SIL1: variants seen among roughly 807,000 people sequenced by gnomAD.
SIL1 encodes SIL1 nucleotide exchange factor, also known as nucleotide exchange factor SIL1.
Under a neutral mutation model 49.1 loss-of-function variants are expected in SIL1, and 40 were observed. The observed-to-expected ratio is 0.81, with a 90% CI of 0.63 to 1.06. The LOEUF (loss-of-function observed/expected upper bound fraction) is 1.06. SIL1 is among the 50% of genes least tolerant of loss of function. The pLI is 0.00. For missense variants in SIL1, 500 were observed against 572.6 expected (o/e 0.87, Z 1.29); for synonymous variants, 253 against 250.8 (o/e 1.01, Z -0.08).
At chr5:138,980,801 AC>A (rs1176082920) in intron 7 of SIL1, among the ~76,000 whole-genome samples, 3 of 151,846 alleles carry the variant, frequency 2.0e-5, no homozygotes. Flanking sequence ...ACTGTGCTTG[AC>A]CCCCTCCCCA....
chr5:139,068,172 T>C (rs562232095), intron 3 of SIL1, among the ~76,000 whole-genome samples: 1 of 152,286 alleles, frequency 6.6e-6, no homozygotes, highest in Non-Finnish European at 1.5e-5. Context: ...AAAAACAGAC[T>C]GACTAGAGAG....
chr5:138,998,151 C>A (rs1292285773), intron 7 of SIL1, among the ~76,000 whole-genome samples: 4 of 152,036 alleles, frequency 2.6e-5, no homozygotes, highest in Admixed American at 2.6e-4. Flanking sequence ...TATAAAGAAA[C>A]ATCTGAGACT....
At chr5:139,173,391 A>T (rs1041515460) in intron 1 of SIL1, among the ~76,000 whole-genome samples, 3 of 151,646 alleles carry the variant, frequency 2.0e-5, no homozygotes, top group African/African-American at 7.3e-5. Flanking sequence ...CTCTACTAAA[A>T]ATACAAAAAT....
At chr5:138,999,388 C>G (rs1415460527) in intron 7 of SIL1, among the ~76,000 whole-genome samples, 1 of 152,138 alleles carries the variant, frequency 6.6e-6, no homozygotes, top group Non-Finnish European at 1.5e-5. Context: ...AAACGATGGC[C>G]AAGCCTGTAA....
intron 3 of SIL1, among the ~76,000 whole-genome samples, chr5:139,092,720 C>A (rs1161471869): frequency 6.6e-6 from 1 of 152,164 alleles, no homozygotes; most frequent in Non-Finnish European, 1.5e-5. Flanking sequence ...AAGGGAAATA[C>A]CTTTTATCTT....
chr5:139,064,721 T>C (rs913032581), intron 3 of SIL1, among the ~76,000 whole-genome samples: 2 of 152,242 alleles, frequency 1.3e-5, no homozygotes, highest in African/African-American at 4.8e-5. Flanking sequence ...TCGGATGACC[T>C]AGGCAATTGT....
chr5:139,114,408 T>A (rs1418166298), intron 3 of SIL1, among the ~76,000 whole-genome samples: 1 of 152,290 alleles, frequency 6.6e-6, no homozygotes, highest in East Asian at 1.9e-4. Context: ...CTTCCTGTAT[T>A]CCAGCCCACC....
intron 7 of SIL1, chr5:139,016,855 T>A (rs984999382): frequency 4.6e-5 from 7 of 152,134 alleles, no homozygotes; most frequent in African/African-American, 1.7e-4. Context: ...TACTCTTTTT[T>A]TTTTCCCCCC....
In SIL1 at chr5:138,980,352, T is replaced by C. The variant is rs565478219; in HGVS notation, c.768-28468A>G. Reference sequence around the variant, plus strand: ...GAGGCATTTTAGTCAGGCAAAGAGGTTGGAGGTGTGGTATGGGTGCTTAAA... The same window carrying C: ...GAGGCATTTTAGTCAGGCAAAGAGGCTGGAGGTGTGGTATGGGTGCTTAAA... On this transcript the variant is annotated intron_variant, in intron 7 of 9. Transcript: ENST00000394817. Among the ~76,000 whole-genome samples, 109 of 151,722 alleles carry C rather than the reference T, an allele frequency of 7.2e-4. 1 individual carries two copies. Among genetic ancestry groups the C allele is most frequent in the African/African-American group, 2.5e-3 (104 of 41,326 alleles).
intron 3 of SIL1, among the ~76,000 whole-genome samples, chr5:139,091,606 A>G (rs1770344494): frequency 6.6e-6 from 1 of 152,240 alleles, no homozygotes; most frequent in African/African-American, 2.4e-5. Flanking sequence ...GAATTTGACA[A>G]CATCTAATAA....
rs111897094 is a variant in SIL1 at position 139,111,811 on chromosome 5, C to A, written c.244+9224G>T. Among the ~76,000 whole-genome samples the A allele has an allele frequency of 5.9e-3, 899 of 152,248 alleles. 3 individuals carry two copies. Among genetic ancestry groups the A allele is most frequent in the African/African-American group, 0.02 (826 of 41,530 alleles). ...GATTCTATGACAGACTAATCTGTTA[C>A]ACTTAAGTTTCACACCTCTCCCCTC... On this transcript the variant is annotated intron_variant, in intron 3 of 9. Coordinates refer to ENST00000394817, the MANE Select transcript of SIL1 (RefSeq NM_022464.5).
At chr5:138,950,061 T>C (rs1003213498) in intron 9 of SIL1, among the ~76,000 whole-genome samples, 6 of 152,156 alleles carry the variant, frequency 3.9e-5, no homozygotes, top group Admixed American at 6.5e-5. Flanking sequence ...CGGGGCAGCC[T>C]TGGTGAGCCT....
chr5:139,074,765 A>T (rs1561852265), intron 3 of SIL1, among the ~76,000 whole-genome samples: 1 of 152,116 alleles, frequency 6.6e-6, no homozygotes, highest in Non-Finnish European at 1.5e-5. Flanking sequence ...TAAAATAGGA[A>T]TCATTTCCCT....
chr5:139,010,250 C>T (rs1164547649), intron 7 of SIL1, among the ~76,000 whole-genome samples: 4 of 145,956 alleles, frequency 2.7e-5, no homozygotes, highest in Admixed American at 6.9e-5. Flanking sequence ...TCCAGTTGAT[C>T]GCATCGGCTC....
In SIL1 at chr5:138,971,677, G is replaced by C. The variant is rs2150392579; in HGVS notation, c.768-19793C>G. 1.3e-5 allele frequency among the ~76,000 whole-genome samples: 2 copies of C among 152,298 alleles called. 1 individual carries two copies. The highest frequency in any genetic ancestry group is 3.9e-4 in the East Asian group (2 of 5,192). ...TTCACACCAATGGTTTCACAGGATA[G>C]CTCTCTATTCCAATATACCCCTACA... On this transcript the variant is annotated intron_variant, in intron 7 of 9. Coordinates refer to ENST00000394817, the MANE Select transcript of SIL1 (RefSeq NM_022464.5).
intron 1 of SIL1, among the ~76,000 whole-genome samples, chr5:139,165,108 T>C (rs1309854722): frequency 1.3e-5 from 2 of 152,196 alleles, no homozygotes; most frequent in Non-Finnish European, 2.9e-5. Flanking sequence ...CGCATTCTTT[T>C]AGGTCCGATA....
At chr5:139,098,059 C>A (rs1770508521) in intron 3 of SIL1, among the ~76,000 whole-genome samples, 1 of 152,104 alleles carries the variant, frequency 6.6e-6, no homozygotes, top group Non-Finnish European at 1.5e-5. Flanking sequence ...TATTAAAATA[C>A]CAATGACATT....
chr5:139,135,414 A>G (rs1750954046), intron 1 of SIL1, among the ~76,000 whole-genome samples: 1 of 152,184 alleles, frequency 6.6e-6, no homozygotes, highest in Admixed American at 6.5e-5. Context: ...CTAACCAGAG[A>G]GCTACAAAGA....
intron 7 of SIL1, among the ~76,000 whole-genome samples, chr5:138,956,806 C>CAAAA (rs1421508977): frequency 6.6e-6 from 1 of 150,742 alleles, no homozygotes; most frequent in Non-Finnish European, 1.5e-5. Flanking sequence ...ACAACAACAA[C>CAAAA]AACAAAAAAC....
Sources: gnomAD v4.1 joint callset for allele counts (sites outside exome capture counted in the v4.1 genomes callset) on GRCh38, gnomAD v4.1.1 for gene constraint, MANE v1.5 for transcripts, NCBI Gene and HGNC (gene_info 2026-07-23, HGNC 2026-07-21) for gene names.